The following STARD10 variants were observed in gnomAD, a reference collection of about 807,000 sequenced individuals.
The protein encoded by STARD10 is StAR related lipid transfer domain containing 10.
In STARD10, 24 loss-of-function variants were observed where a neutral mutation model predicts 36.0. The ratio of observed to expected loss-of-function variants is 0.67; its 90% confidence interval spans 0.48 to 0.94. The LOEUF (loss-of-function observed/expected upper bound fraction) is 0.94. Among genes scored for constraint, STARD10 ranks in the 40% least tolerant of loss-of-function variants. STARD10 has a pLI of 0.00. For synonymous variants in STARD10, 156 were observed against 161.9 expected (o/e 0.96, Z 0.28); for missense variants, 335 against 396.6 (o/e 0.84, Z 1.32).
chr11:72,755,609 C>G (rs1858633770), intron 6 of STARD10, 92 bp downstream of exon 6: 1 of 1,434,636 alleles, frequency 7.0e-7, no homozygotes, highest in Non-Finnish European at 9.8e-7. Context: ...CCACGCCTGG[C>G]CCTCAGGCTC....
rs187906964 is a variant in STARD10, at chr11:72,769,930, C to T, written c.208-10549G>A. On this transcript the variant is annotated intron_variant, in intron 2 of 6. Coordinates refer to ENST00000334805, the MANE Select transcript of STARD10 (RefSeq NM_006645.3). ...TCTGCACCTTCAGAACCCAGACAGG[C>T]CTATAGGGAACAGCTGCCAGAAATG... 2.0e-4 allele frequency among the ~76,000 whole-genome samples: 30 copies of T among 152,222 alleles called. No individual in the cohort carries two copies. The East Asian group carries it at 3.7e-3, about 19-fold the overall frequency.
intron 2 of STARD10, among the ~76,000 whole-genome samples, chr11:72,767,195 CAACCTCCAT>C (rs1358977592): frequency 6.6e-6 from 1 of 152,174 alleles, no homozygotes; most frequent in Non-Finnish European, 1.5e-5. Flanking sequence ...ACAACAGCCC[CAACCTCCAT>C]AACCATTACC....
At chr11:72,777,098 G>C (rs774594669) in intron 2 of STARD10, among the ~76,000 whole-genome samples, 3 of 152,212 alleles carry the variant, frequency 2.0e-5, no homozygotes, top group Non-Finnish European at 4.4e-5. Context: ...CCTCATTCCT[G>C]CCCCAAGGCT....
chr11:72,784,999 A>C (rs1189037866), intron 1 of STARD10, among the ~76,000 whole-genome samples: 2 of 152,324 alleles, frequency 1.3e-5, no homozygotes, highest in African/African-American at 4.8e-5. Flanking sequence ...AGGGGACTCC[A>C]GTAACTCAGG....
At position 72,781,261 on chromosome 11, in the gene STARD10, G is replaced by A. The variant is rs775625485; in HGVS notation, c.-80C>T. ...CCGCGGAGGCTCCGACAACGTCGAC[G>A]CGGCTGCAGATGCTGACGCCACCTT... On this transcript the variant is annotated 5_prime_UTR_variant, in exon 2 of 7. Transcript: ENST00000334805. The surrounding 1 kb of genome is among the most constrained non-coding windows in gnomAD (Gnocchi z 4.7). The A allele has an allele frequency of 6.0e-5, 78 of 1,301,836 alleles. No individual in the cohort carries two copies. The highest frequency in any genetic ancestry group is 8.0e-5 in the Non-Finnish European group (75 of 934,320). 80.6% of individuals were successfully genotyped at this position (1,301,836 alleles called of 1,614,324 possible).
At chr11:72,765,816 C>CAAAAAAAAAAAAAAAA (rs752801080) in intron 2 of STARD10, among the ~76,000 whole-genome samples, 39 of 118,166 alleles carry the variant, frequency 3.3e-4, no homozygotes, top group African/African-American at 8.4e-4. Flanking sequence ...ACTAAAAATA[C>CAAAAAAAAAAAAAAAA]AAAAAAAAAA....
chr11:72,779,122 C>G (rs1025642896), intron 2 of STARD10, among the ~76,000 whole-genome samples: 3 of 152,224 alleles, frequency 2.0e-5, no homozygotes, highest in African/African-American at 7.2e-5. Context: ...TCAGTTCAGA[C>G]CCCTCCTCCT....
At chr11:72,763,493 T>C (rs1858747374) in intron 2 of STARD10, among the ~76,000 whole-genome samples, 1 of 152,164 alleles carries the variant, frequency 6.6e-6, no homozygotes, top group Non-Finnish European at 1.5e-5. Flanking sequence ...GTGAGAGGAA[T>C]ACAGGTATCA....
At position 72,754,770 on chromosome 11, in the gene STARD10, C is replaced by A. The variant is rs1399496778; in HGVS notation, c.*127G>T. The stretch of plus-strand genomic sequence containing the variant: ...TTTATTGGGGCTCTGTCCAGCCAGG[C>A]TGCAGCACCCGCCTGGGCCTGGCCC... On this transcript the variant is annotated 3_prime_UTR_variant, in exon 7 of 7. Transcript: ENST00000334805. 5 of 1,399,302 alleles carry A rather than the reference C, an allele frequency of 3.6e-6. No individual in the cohort carries two copies. The East Asian group carries it at 1.3e-4, about 35-fold the overall frequency. The allele number at this position is 1,399,302 out of a possible 1,614,324, so 86.7% of individuals were successfully genotyped here.
intron 1 of STARD10, among the ~76,000 whole-genome samples, chr11:72,789,075 G>T (rs531309036): frequency 1.3e-5 from 2 of 152,180 alleles, no homozygotes; most frequent in South Asian, 2.1e-4. Flanking sequence ...TCGAACTTCT[G>T]GCCTCAAGCA....
intron 1 of STARD10, among the ~76,000 whole-genome samples, chr11:72,789,298 G>A (rs1792152435): frequency 6.6e-6 from 1 of 152,210 alleles, no homozygotes; most frequent in African/African-American, 2.4e-5. Context: ...CTCAGTTCCT[G>A]AGCTTCCTTC....
Position 72,758,016 on chromosome 11 carries a change from A to G in STARD10, c.460-132T>C, listed in dbSNP as rs1470522184. 3.6e-6 allele frequency: 3 copies of G among 832,358 alleles called. No individual in the cohort carries two copies. In the African/African-American group the frequency reaches 5.0e-5, roughly 14 times the overall value. The allele number at this position is 832,358 out of a possible 1,614,324, so 51.6% of individuals were successfully genotyped here. On this transcript the variant is annotated intron_variant, in intron 4 of 6. Transcript: ENST00000334805. Reference sequence around the variant, plus strand: ...CATGCCGTGACATCTGTTACAGATCAGTCCTGATTCTGGGTGCAGAGAAAG... The same window carrying G: ...CATGCCGTGACATCTGTTACAGATCGGTCCTGATTCTGGGTGCAGAGAAAG...
intron 1 of STARD10, among the ~76,000 whole-genome samples, chr11:72,791,673 A>C (rs1859144282): frequency 6.6e-6 from 1 of 151,550 alleles, no homozygotes; most frequent in East Asian, 2.0e-4. Flanking sequence ...CTTGCACTCC[A>C]GCCTGGGCAA....
intron 2 of STARD10, among the ~76,000 whole-genome samples, chr11:72,774,657 T>G (rs1029950778): frequency 6.6e-6 from 1 of 152,182 alleles, no homozygotes; most frequent in African/African-American, 2.4e-5. Flanking sequence ...GGGGCAAAGG[T>G]GAGGGATCGG....
Position 72,754,882 on chromosome 11 carries a change from G to C in STARD10, c.*15C>G. On this transcript the variant is annotated 3_prime_UTR_variant, in exon 7 of 7. Coordinates refer to ENST00000334805, the MANE Select transcript of STARD10 (RefSeq NM_006645.3). ...CTCGCCCGGTCCTGTCTCCGTCCCTGAAGCGGTGCGGCGCTCAGGTGAGCG... is the reference window on the plus strand; with the variant it reads ...CTCGCCCGGTCCTGTCTCCGTCCCTCAAGCGGTGCGGCGCTCAGGTGAGCG... 1 of 1,592,784 alleles carries C rather than the reference G, an allele frequency of 6.3e-7. No homozygotes were observed.
intron 2 of STARD10, among the ~76,000 whole-genome samples, chr11:72,764,518 G>A (rs1858761094): frequency 6.6e-6 from 1 of 152,256 alleles, no homozygotes; most frequent in African/African-American, 2.4e-5. Flanking sequence ...ACTGAGGCAG[G>A]CCGGGTCGTG....
intron 5 of STARD10, chr11:72,756,036 A>G: frequency 3.5e-6 from 1 of 288,360 alleles, no homozygotes; most frequent in Non-Finnish European, 6.4e-6. Context: ...CATGGGTGGA[A>G]ACTCTGACCC....
intron 2 of STARD10, among the ~76,000 whole-genome samples, chr11:72,770,570 T>C (rs2135618181): frequency 6.6e-6 from 1 of 152,178 alleles, no homozygotes; most frequent in East Asian, 1.9e-4. Flanking sequence ...AACTCCTTAC[T>C]CCCTGGACCT....
intron 2 of STARD10, among the ~76,000 whole-genome samples, chr11:72,777,838 G>A (rs1249392877): frequency 1.3e-5 from 2 of 152,230 alleles, no homozygotes; most frequent in Non-Finnish European, 2.9e-5. Flanking sequence ...AGATAGCTAG[G>A]TGGAGTCCCA....
Sources: allele counts gnomAD v4.1 joint callset (sites outside exome capture counted in the v4.1 genomes callset), GRCh38; gene constraint gnomAD v4.1.1; non-coding constraint Gnocchi (gnomAD v3.1); transcripts MANE v1.5; gene names NCBI Gene and HGNC (gene_info 2026-07-23, HGNC 2026-07-21).